GNG12: variants seen among roughly 807,000 people sequenced by gnomAD.
GNG12 encodes G protein subunit gamma 12, also known as guanine nucleotide-binding protein G(I)/G(S)/G(O) subunit gamma-12.
For synonymous variants in GNG12, 28 were observed against 29.7 expected (o/e 0.94, Z 0.19); for missense variants, 69 against 83.8 (o/e 0.82, Z 0.69).
In GNG12 at chr1:67,703,217, G is replaced by T. The variant is rs1486277729; in HGVS notation, c.*2234C>A. 1 of 152,064 alleles carries T rather than the reference G, an allele frequency of 6.6e-6. No individual in the cohort carries two copies. Among genetic ancestry groups the T allele is most frequent in the Non-Finnish European group, 1.5e-5 (1 of 68,012 alleles). The allele number at this position is 152,064 out of a possible 1,614,324, so 9.4% of individuals were successfully genotyped here. A position where few individuals can be genotyped will look rare whatever the true frequency, so the allele number is the denominator to read the frequency against. ...ATAGCCTTTATTGTATCTGACCAGG[G>T]TGAATAAAATGAAATCTCCTGGGAC... On this transcript the variant is annotated 3_prime_UTR_variant, in exon 4 of 4. Transcript: ENST00000370982.
intron 1 of GNG12, among the ~76,000 whole-genome samples, chr1:67,822,391 G>A (rs530824044): frequency 5.3e-5 from 8 of 152,108 alleles, no homozygotes; most frequent in African/African-American, 1.9e-4. Context: ...AGCTCCAGAA[G>A]CAGTCAACCC....
intron 2 of GNG12, among the ~76,000 whole-genome samples, chr1:67,715,629 A>C (rs1280315103): frequency 6.6e-6 from 1 of 152,258 alleles, no homozygotes; most frequent in African/African-American, 2.4e-5. Flanking sequence ...TCTACTCCCC[A>C]CTGGGCACCC....
chr1:67,730,989 C>T (rs865976579), intron 2 of GNG12, among the ~76,000 whole-genome samples: 3 of 152,264 alleles, frequency 2.0e-5, no homozygotes, highest in South Asian at 4.2e-4. Flanking sequence ...TCATCCAGAA[C>T]ATCTGTCAGC....
intron 1 of GNG12, among the ~76,000 whole-genome samples, chr1:67,827,837 T>C (rs1647020179): frequency 6.6e-6 from 1 of 152,326 alleles, no homozygotes; most frequent in African/African-American, 2.4e-5. Flanking sequence ...CTGAGCACTT[T>C]TACGACACCC....
chr1:67,755,765 C>T (rs1301098425), intron 2 of GNG12, among the ~76,000 whole-genome samples: 2 of 152,068 alleles, frequency 1.3e-5, no homozygotes, highest in Non-Finnish European at 2.9e-5. Flanking sequence ...ATTTAATTTG[C>T]CTCTGATGAG....
At chr1:67,826,881 C>T (rs908761845) in intron 1 of GNG12, among the ~76,000 whole-genome samples, 1 of 152,176 alleles carries the variant, frequency 6.6e-6, no homozygotes, top group Admixed American at 6.5e-5. Context: ...TAACTGCAAG[C>T]TTGGGGTCTG....
intron 1 of GNG12, among the ~76,000 whole-genome samples, chr1:67,800,474 C>G (rs1008453909): frequency 2.0e-5 from 3 of 152,158 alleles, no homozygotes; most frequent in African/African-American, 7.2e-5. Context: ...GTCAGACATT[C>G]TTTCAAGCAA....
At chr1:67,721,593 T>A (rs542803208) in intron 2 of GNG12, among the ~76,000 whole-genome samples, 2 of 152,318 alleles carry the variant, frequency 1.3e-5, no homozygotes, top group South Asian at 4.1e-4. Flanking sequence ...CATCAGTCTA[T>A]TTAAGCCAAG....
chr1:67,787,375 C>A (rs576896170), intron 1 of GNG12, among the ~76,000 whole-genome samples: 1 of 152,208 alleles, frequency 6.6e-6, no homozygotes, highest in East Asian at 1.9e-4. Context: ...GAGCTTGGTG[C>A]ACTGGGGCAA....
intron 1 of GNG12, among the ~76,000 whole-genome samples, chr1:67,782,424 C>T (rs544087443): frequency 1.2e-3 from 184 of 152,290 alleles, no homozygotes; most frequent in African/African-American, 4.4e-3. Flanking sequence ...TTGAACTGGC[C>T]TATTTTAACC....
intron 1 of GNG12, among the ~76,000 whole-genome samples, chr1:67,821,435 T>C (rs1292972466): frequency 6.6e-6 from 1 of 152,158 alleles, no homozygotes; most frequent in Non-Finnish European, 1.5e-5. Flanking sequence ...GAGGGAGATC[T>C]CTAGGAGTCG....
At chr1:67,724,658 G>A (rs1425627956) in intron 2 of GNG12, among the ~76,000 whole-genome samples, 1 of 152,148 alleles carries the variant, frequency 6.6e-6, no homozygotes, top group African/African-American at 2.4e-5. Context: ...CCAAAGTGCT[G>A]GGATTACAGG....
At chr1:67,781,022 T>A (rs570530940) in intron 1 of GNG12, among the ~76,000 whole-genome samples, 9 of 152,148 alleles carry the variant, frequency 5.9e-5, no homozygotes, top group Non-Finnish European at 1.0e-4. Flanking sequence ...CAGATGGCTA[T>A]GGAATTTGAA....
intron 1 of GNG12, among the ~76,000 whole-genome samples, chr1:67,793,302 G>T (rs1204840503): frequency 1.3e-5 from 2 of 152,082 alleles, no homozygotes; most frequent in Non-Finnish European, 2.9e-5. Context: ...ACACAGATGG[G>T]TATCAGTTCT....
At chr1:67,709,070 T>C (rs1255486681) in intron 2 of GNG12, among the ~76,000 whole-genome samples, 1 of 152,242 alleles carries the variant, frequency 6.6e-6, no homozygotes, top group African/African-American at 2.4e-5. Flanking sequence ...GTAGCCTCTG[T>C]GGTCAGAGGA....
intron 1 of GNG12, among the ~76,000 whole-genome samples, chr1:67,820,257 C>T (rs1646977445): frequency 1.3e-5 from 2 of 151,876 alleles, no homozygotes; most frequent in Admixed American, 1.3e-4. Flanking sequence ...GGTGTGGTGG[C>T]ATATGCCTAT....
intron 1 of GNG12, among the ~76,000 whole-genome samples, chr1:67,780,462 T>G (rs991247550): frequency 3.3e-5 from 5 of 152,182 alleles, no homozygotes; most frequent in African/African-American, 1.2e-4. Flanking sequence ...CCCAACAGGT[T>G]TGCAGAATCC....
chr1:67,753,863 G>A (rs1646553265), intron 2 of GNG12, among the ~76,000 whole-genome samples: 1 of 152,158 alleles, frequency 6.6e-6, no homozygotes, highest in African/African-American at 2.4e-5. Context: ...TGTGGTGTCG[G>A]TGAGAGAATG....
chr1:67,753,329 T>C (rs183952287), intron 2 of GNG12, among the ~76,000 whole-genome samples: 36 of 149,928 alleles, frequency 2.4e-4, no homozygotes, highest in African/African-American at 8.5e-4. Context: ...CTGGTAAGTA[T>C]ATAATGTAAA....
Sources: allele counts gnomAD v4.1 joint callset (sites outside exome capture counted in the v4.1 genomes callset), GRCh38; gene constraint gnomAD v4.1.1; transcripts MANE v1.5; gene names NCBI Gene and HGNC (gene_info 2026-07-23, HGNC 2026-07-21).